Variants in HERC1 observed in about 807,000 individuals in gnomAD.
HERC1 encodes the protein probable E3 ubiquitin-protein ligase HERC1.
Under a neutral mutation model 554.3 loss-of-function variants are expected in HERC1, and 160 were observed. The observed-to-expected ratio is 0.29, with a 90% CI of 0.25 to 0.33. HERC1 has a LOEUF of 0.33. HERC1 is among the 10% of genes least tolerant of loss of function. The pLI is 1.00. For missense variants in HERC1, 4,919 were observed against 5,918.5 expected (o/e 0.83, Z 5.54); for synonymous variants, 2,175 against 2,131.7 (o/e 1.02, Z -0.56).
At chr15:63,661,099 G>T in intron 45 of HERC1, 74 bp from the exon 46 acceptor site, 1 of 1,083,260 alleles carries the variant, frequency 9.2e-7, no homozygotes, top group South Asian at 1.3e-5. Flanking sequence ...TAAGTCATTA[G>T]AACATTTTAA....
At position 63,732,257 on chromosome 15, in the gene HERC1, T is replaced by C. The variant is rs541949162; in HGVS notation, c.2868+667A>G. 9.5e-4 allele frequency among the ~76,000 whole-genome samples: 144 copies of C among 152,214 alleles called. 1 individual carries two copies. The highest frequency in any genetic ancestry group is 3.4e-3 in the African/African-American group (143 of 41,522). On this transcript the variant is annotated intron_variant, in intron 14 of 77. Coordinates refer to ENST00000443617, the MANE Select transcript of HERC1 (RefSeq NM_003922.4). Reference sequence around the variant, plus strand: ...CTCAGGTGATCCACCCAACTCGGCCTCCCAAAGTGCTGAGATTACAGGCAT... The same window carrying C: ...CTCAGGTGATCCACCCAACTCGGCCCCCCAAAGTGCTGAGATTACAGGCAT...
At chr15:63,805,248 A>G (rs1463483557) in intron 1 of HERC1, among the ~76,000 whole-genome samples, 2 of 152,264 alleles carry the variant, frequency 1.3e-5, no homozygotes, top group Non-Finnish European at 2.9e-5. Flanking sequence ...AGTAATAAAA[A>G]GGAATGAACG....
chr15:63,686,028 G>A (rs1039466513), intron 34 of HERC1, among the ~76,000 whole-genome samples: 10 of 152,122 alleles, frequency 6.6e-5, no homozygotes, highest in Non-Finnish European at 7.4e-5. Flanking sequence ...TCTCTAATGG[G>A]CTTTCCTAGA....
intron 2 of HERC1, among the ~76,000 whole-genome samples, chr15:63,766,074 C>A (rs371315853): frequency 2.0e-5 from 3 of 152,074 alleles, no homozygotes; most frequent in Non-Finnish European, 4.4e-5. Flanking sequence ...ACTATAGCCT[C>A]AACCTCCTGG....
In HERC1 at chr15:63,612,457, C is replaced by T. The variant is rs775152130; in HGVS notation, c.14194G>A (p.Glu4732Lys). ...TTCTTCAAGACTTCCACAGAGATCT[C>T]GGGCATCCCACACACCATCTGCTCC... ...QLEQMVCGMP[E>K]ISVEVLKKVV... The change falls in exon 77 of 78, where the codon GAG becomes AAG. Residue 4732 changes from glutamate (E) to lysine (K), a missense_variant. Coordinates refer to ENST00000443617, the MANE Select transcript of HERC1 (RefSeq NM_003922.4). This position sits in a 1 kb window ranked among gnomAD's most constrained non-coding sequence, Gnocchi z 5.0. The T allele has an allele frequency of 5.0e-6, 8 of 1,613,926 alleles. No individual in the cohort carries two copies. The African/African-American group carries it at 6.7e-5, about 13-fold the overall frequency.
At chr15:63,717,906 T>C (rs74686209) in intron 21 of HERC1, among the ~76,000 whole-genome samples, 122 of 152,182 alleles carry the variant, frequency 8.0e-4, no homozygotes, top group African/African-American at 2.6e-3. Flanking sequence ...TCAATCTTCA[T>C]TTCCAATGGT....
At chr15:63,732,837 T>C in intron 14 of HERC1, 87 bp downstream of exon 14, 1 of 864,250 alleles carries the variant, frequency 1.2e-6, no homozygotes, top group Non-Finnish European at 1.9e-6. Context: ...TTGATTTCTA[T>C]CATAGGTGTT....
At chr15:63,649,972 G>A (rs371976999) in intron 53 of HERC1, 47 bp from the exon 54 acceptor site, 10 of 1,373,134 alleles carry the variant, frequency 7.3e-6, no homozygotes, top group Admixed American at 4.5e-5. Context: ...TTCTTAAAAA[G>A]AAAAAAAGGA....
At position 63,677,774 on chromosome 15, in the gene HERC1, C is replaced by T; in HGVS notation, c.7070+71G>A. The T allele has an allele frequency of 6.5e-7, 1 of 1,531,740 alleles. No homozygotes were observed. The highest frequency in any genetic ancestry group is 8.8e-7 in the Non-Finnish European group (1 of 1,139,696). 94.9% of individuals were successfully genotyped at this position (1,531,740 alleles called of 1,614,324 possible). On this transcript the variant is annotated intron_variant, in intron 37 of 77. Transcript: ENST00000443617. The surrounding 1 kb of genome is among the most constrained non-coding windows in gnomAD (Gnocchi z 4.4). ...CTCACCTAAAATACATAATTACTCA[C>T]TGTCGACAGGCAATGGCCTATTTCA...
At chr15:63,629,126 T>A (rs1174393931) in intron 69 of HERC1, among the ~76,000 whole-genome samples, 1 of 152,064 alleles carries the variant, frequency 6.6e-6, no homozygotes, top group Non-Finnish European at 1.5e-5. Flanking sequence ...ATTTTTGTAT[T>A]TTTAGTAGAG....
chr15:63,773,418 T>C (rs1245345724), intron 2 of HERC1, among the ~76,000 whole-genome samples: 2 of 131,604 alleles, frequency 1.5e-5, no homozygotes, highest in Admixed American at 1.7e-4. Flanking sequence ...CACTCCCGCC[T>C]GGGTGACAAG....
At chr15:63,629,860 T>A (rs951949015) in intron 69 of HERC1, among the ~76,000 whole-genome samples, 4 of 152,138 alleles carry the variant, frequency 2.6e-5, no homozygotes, top group Non-Finnish European at 4.4e-5. Flanking sequence ...AAAGTCACCG[T>A]CATAGCATCT....
intron 22 of HERC1, among the ~76,000 whole-genome samples, chr15:63,714,552 T>C (rs2073453859): frequency 6.9e-6 from 1 of 145,048 alleles, no homozygotes; most frequent in South Asian, 2.2e-4. Flanking sequence ...TCTGTTTTTT[T>C]TTTTTTTTTT....
At chr15:63,817,120 A>G (rs1275669084) in intron 1 of HERC1, among the ~76,000 whole-genome samples, 1 of 151,242 alleles carries the variant, frequency 6.6e-6, no homozygotes, top group East Asian at 1.9e-4. Flanking sequence ...AAATAAGAAA[A>G]AAAAGAGATG....
chr15:63,807,884 C>T (rs1415316796), intron 1 of HERC1, among the ~76,000 whole-genome samples: 3 of 152,080 alleles, frequency 2.0e-5, no homozygotes, highest in Non-Finnish European at 2.9e-5. Flanking sequence ...CTACCTCCCC[C>T]GCCCCCTGCC....
chr15:63,737,321 A>T (rs1052843796), intron 12 of HERC1, among the ~76,000 whole-genome samples: 1 of 148,440 alleles, frequency 6.7e-6, no homozygotes, highest in Non-Finnish European at 1.5e-5. Flanking sequence ...ACAGAAAACA[A>T]TGAAGAAGAA....
chr15:63,725,922 C>A (rs1399628332), intron 17 of HERC1, among the ~76,000 whole-genome samples: 1 of 151,978 alleles, frequency 6.6e-6, no homozygotes, highest in African/African-American at 2.4e-5. Context: ...CTTTTTAAGG[C>A]CTGAATTCAG....
chr15:63,735,541 T>TAAA (rs34912552), intron 12 of HERC1, among the ~76,000 whole-genome samples: 1 of 125,350 alleles, frequency 8.0e-6, no homozygotes, highest in African/African-American at 2.9e-5. Flanking sequence ...ATTTAAAGTA[T>TAAA]AAAAAAAAAA....
chr15:63,691,286 T>G (rs958552146), intron 31 of HERC1, among the ~76,000 whole-genome samples: 1 of 151,620 alleles, frequency 6.6e-6, no homozygotes, highest in Non-Finnish European at 1.5e-5. Context: ...GCCAACATGG[T>G]GAAACCCTGC....
Sources: gnomAD v4.1 joint callset for allele counts (sites outside exome capture counted in the v4.1 genomes callset) on GRCh38, gnomAD v4.1.1 for gene constraint, Gnocchi (gnomAD v3.1) non-coding constraint, MANE v1.5 for transcripts, NCBI Gene and HGNC (gene_info 2026-07-23, HGNC 2026-07-21) for gene names.